The following PPP1R12B variants were observed in gnomAD, a reference collection of about 807,000 sequenced individuals.
The protein encoded by PPP1R12B is protein phosphatase 1 regulatory subunit 12B, also known as myosin phosphatase target subunit 2.
Under a neutral mutation model 126.1 loss-of-function variants are expected in PPP1R12B, and 76 were observed. That is an observed-to-expected ratio of 0.60 (90% CI 0.50 to 0.73). The LOEUF is 0.73. Among genes scored for constraint, PPP1R12B ranks in the 30% least tolerant of loss-of-function variants. The pLI is 0.00. For synonymous variants in PPP1R12B, 356 were observed against 434.7 expected (o/e 0.82, Z 2.25); for missense variants, 1,052 against 1,205.1 (o/e 0.87, Z 1.88).
intron 13 of PPP1R12B, among the ~76,000 whole-genome samples, chr1:202,486,494 T>C (rs1345169138): frequency 6.6e-6 from 1 of 152,126 alleles, no homozygotes; most frequent in Non-Finnish European, 1.5e-5. Flanking sequence ...ATTAAAGAAA[T>C]GAACCCTTTA....
chr1:202,463,926 C>T (rs1251635719), intron 13 of PPP1R12B, among the ~76,000 whole-genome samples: 1 of 152,198 alleles, frequency 6.6e-6, no homozygotes, highest in East Asian at 1.9e-4. Flanking sequence ...GTAATTGCGT[C>T]ACTTTACTCA....
rs560588373 is a variant in PPP1R12B, at chr1:202,453,010, A to G, written c.1850+3839A>G. ...GATTGCTCTAGGTAGGACTTCCAGC[A>G]CTATATTGAATAACAGTGGTTGAAA... On this transcript the variant is annotated intron_variant, in intron 13 of 23. Coordinates refer to ENST00000608999, the MANE Select transcript of PPP1R12B (RefSeq NM_002481.4). Among the ~76,000 whole-genome samples the G allele has an allele frequency of 1.7e-3, 265 of 152,236 alleles. 1 individual carries two copies. The highest frequency in any genetic ancestry group is 2.6e-3 in the Non-Finnish European group (177 of 68,020).
chr1:202,551,466 T>C (rs1009265499), intron 18 of PPP1R12B, among the ~76,000 whole-genome samples: 1 of 152,194 alleles, frequency 6.6e-6, no homozygotes, highest in African/African-American at 2.4e-5. Flanking sequence ...AATCACCTAG[T>C]GCAGCTGAGA....
intron 18 of PPP1R12B, among the ~76,000 whole-genome samples, chr1:202,541,083 G>T (rs1685076562): frequency 6.6e-6 from 1 of 152,178 alleles, no homozygotes; most frequent in African/African-American, 2.4e-5. Context: ...GGGCATATTA[G>T]GTAGCAGGCA....
At chr1:202,378,557 G>A (rs1287445362) in intron 1 of PPP1R12B, among the ~76,000 whole-genome samples, 1 of 151,988 alleles carries the variant, frequency 6.6e-6, no homozygotes, top group African/African-American at 2.4e-5. Context: ...TCAGCTTACT[G>A]CAACCTCTGC....
chr1:202,575,413 G>A (rs182318557), intron 23 of PPP1R12B: 39 of 392,254 alleles, frequency 9.9e-5, no homozygotes, highest in Non-Finnish European at 1.5e-4. Flanking sequence ...TCTTCCCCTG[G>A]AGACTGAGTA....
At chr1:202,442,326 A>G (rs1422861314) in intron 11 of PPP1R12B, 121 bp from the exon 12 acceptor site, 1 of 1,118,566 alleles carries the variant, frequency 8.9e-7, no homozygotes, top group African/African-American at 1.6e-5. Flanking sequence ...GAATAACCTG[A>G]AGAATGTGTC....
Position 202,502,228 on chromosome 1 carries a change from G to A in PPP1R12B, c.2490+5406G>A. 4.1e-6 allele frequency: 4 copies of A among 984,852 alleles called. 1 individual carries two copies. In the South Asian group the frequency reaches 1.9e-4, roughly 46 times the overall value. The allele number at this position is 984,852 out of a possible 1,614,324, so 61.0% of individuals were successfully genotyped here. A position where few individuals can be genotyped will look rare whatever the true frequency, so the allele number is the denominator to read the frequency against. The stretch of plus-strand genomic sequence containing the variant: ...GATTGGTAAAGGAGATAGTGTTAAA[G>A]AGTTACTAAATTATAGATATCAAGG... On this transcript the variant is annotated intron_variant, in intron 18 of 23. Transcript: ENST00000608999.
At chr1:202,506,196 A>T (rs1362845887) in intron 18 of PPP1R12B, among the ~76,000 whole-genome samples, 2 of 152,206 alleles carry the variant, frequency 1.3e-5, no homozygotes, top group African/African-American at 4.8e-5. Flanking sequence ...GGTTGACTCC[A>T]CATTGGCCTC....
At chr1:202,507,710 A>T (rs938942971) in intron 18 of PPP1R12B, among the ~76,000 whole-genome samples, 1 of 152,224 alleles carries the variant, frequency 6.6e-6, no homozygotes, top group Non-Finnish European at 1.5e-5. Context: ...TCTTCAAAGC[A>T]CTTGGGTTCA....
At chr1:202,545,327 A>G (rs996374534) in intron 18 of PPP1R12B, among the ~76,000 whole-genome samples, 3 of 152,252 alleles carry the variant, frequency 2.0e-5, no homozygotes, top group Admixed American at 6.5e-5. Flanking sequence ...GACCCATTAC[A>G]TGAATTCTTA....
intron 13 of PPP1R12B, among the ~76,000 whole-genome samples, chr1:202,463,450 C>T (rs1441607257): frequency 1.3e-5 from 2 of 152,058 alleles, no homozygotes; most frequent in African/African-American, 4.8e-5. Flanking sequence ...TTCTTTATAT[C>T]TTTTTTGTTT....
In PPP1R12B at chr1:202,501,315, A is replaced by G. The variant is rs1335760818; in HGVS notation, c.2490+4493A>G. On this transcript the variant is annotated intron_variant, in intron 18 of 23. Coordinates refer to ENST00000608999, the MANE Select transcript of PPP1R12B (RefSeq NM_002481.4). ...AACAAGCATAGGTACGCCACAGAAG[A>G]TAATGACCATTTGGATATTTCTATC... Among the ~76,000 whole-genome samples the G allele has an allele frequency of 2.0e-5, 3 of 152,214 alleles. No individual in the cohort carries two copies. The East Asian group carries it at 5.8e-4, about 29-fold the overall frequency.
intron 15 of PPP1R12B, among the ~76,000 whole-genome samples, chr1:202,494,411 T>C (rs1679262228): frequency 6.6e-6 from 1 of 152,184 alleles, no homozygotes; most frequent in East Asian, 1.9e-4. Context: ...CAAAGATCTT[T>C]CTGACTCCAA....
intron 18 of PPP1R12B, chr1:202,540,227 G>C: frequency 6.2e-7 from 1 of 1,604,828 alleles, no homozygotes; most frequent in Non-Finnish European, 8.5e-7. Flanking sequence ...CTCCCCGACT[G>C]CCAAGACGCT....
chr1:202,577,699 G>C (rs1386611114), intron 23 of PPP1R12B, among the ~76,000 whole-genome samples: 1 of 152,070 alleles, frequency 6.6e-6, no homozygotes, highest in African/African-American at 2.4e-5. Context: ...GACAGCTCAT[G>C]CAAGACTCAT....
At chr1:202,392,315 A>G (rs188301289) in intron 1 of PPP1R12B, among the ~76,000 whole-genome samples, 129 of 152,314 alleles carry the variant, frequency 8.5e-4, no homozygotes, top group Non-Finnish European at 1.5e-3. Context: ...TGAAATACTG[A>G]TTCATGCTAC....
chr1:202,467,097 T>C (rs1675097925), intron 13 of PPP1R12B, among the ~76,000 whole-genome samples: 1 of 152,146 alleles, frequency 6.6e-6, no homozygotes, highest in African/African-American at 2.4e-5. Context: ...TTCCACCATC[T>C]ACAGTGCAGC....
At chr1:202,486,902 T>C (rs1388117529) in intron 13 of PPP1R12B, among the ~76,000 whole-genome samples, 1 of 152,190 alleles carries the variant, frequency 6.6e-6, no homozygotes, top group Non-Finnish European at 1.5e-5. Flanking sequence ...ACCCAAATCT[T>C]ACACAAATTC....
Sources: gnomAD v4.1 joint callset for allele counts (sites outside exome capture counted in the v4.1 genomes callset) on GRCh38, gnomAD v4.1.1 for gene constraint, MANE v1.5 for transcripts, NCBI Gene and HGNC (gene_info 2026-07-23, HGNC 2026-07-21) for gene names.